Variants in RARB observed in about 807,000 individuals in gnomAD.
The protein encoded by RARB is retinoic acid receptor beta, also known as HBV-activated protein.
Under a neutral mutation model 51.9 loss-of-function variants are expected in RARB, and 17 were observed. The ratio of observed to expected loss-of-function variants is 0.33; its 90% confidence interval spans 0.22 to 0.49. The LOEUF (loss-of-function observed/expected upper bound fraction) is 0.49. Ranked by LOEUF, RARB falls within the 20% of genes least tolerant of loss-of-function variation. The probability of loss-of-function intolerance (pLI) is 0.99; values close to 1 mark genes in which losing one functional copy is unlikely to be tolerated. For missense variants in RARB, 369 were observed against 550.8 expected, an observed-to-expected ratio of 0.67 and a Z score of 3.30; for synonymous variants, 215 against 195.4, an observed-to-expected ratio of 1.10 and a Z score of -0.84.
At chr3:25,195,024 A>G (rs967356230) in intron 5 of RARB, among the ~76,000 whole-genome samples, 10 of 152,016 alleles carry the variant, frequency 6.6e-5, no homozygotes, top group African/African-American at 2.4e-4. Context: ...AACAGAAACA[A>G]AAGCTTTAAC....
At chr3:25,169,068 C>T (rs1700602325) in intron 4 of RARB, among the ~76,000 whole-genome samples, 1 of 152,186 alleles carries the variant, frequency 6.6e-6, no homozygotes, top group African/African-American at 2.4e-5. Context: ...AAAAAAATGA[C>T]TTCTAATCCA....
chr3:25,327,340 C>G (rs1342979278), intron 5 of RARB, among the ~76,000 whole-genome samples: 5 of 151,976 alleles, frequency 3.3e-5, no homozygotes, highest in South Asian at 4.2e-4. Flanking sequence ...TCACATCAAG[C>G]AGCACTACTA....
chr3:25,285,501 T>G lies in RARB; in HGVS notation c.178+110926T>G, dbSNP rs113381861. 4.7e-3 allele frequency among the ~76,000 whole-genome samples: 718 copies of G among 152,284 alleles called. 4 individuals carry two copies. The highest frequency in any genetic ancestry group is 0.016 in the African/African-American group (673 of 41,552). On this transcript the variant is annotated intron_variant, in intron 5 of 11. Transcript: ENST00000383772. ...CATGATCACTTCAGAAAGGTAACTT[T>G]GGCTGCAGTGTGGAGAAACAGTTGG... is the stretch of plus-strand genomic sequence containing the variant.
At chr3:24,889,261 C>T (rs1398056374) in intron 2 of RARB, among the ~76,000 whole-genome samples, 1 of 152,094 alleles carries the variant, frequency 6.6e-6, no homozygotes, top group South Asian at 2.1e-4. Flanking sequence ...TTTTGCTTTC[C>T]TTGACTAAGT....
chr3:25,582,720 A>C (rs2125308919), intron 5 of RARB, among the ~76,000 whole-genome samples: 1 of 152,186 alleles, frequency 6.6e-6, no homozygotes, highest in Admixed American at 6.5e-5. Context: ...TGAATCCTGC[A>C]GCACTCTTCC....
chr3:25,017,730 A>G (rs982351298), intron 2 of RARB, among the ~76,000 whole-genome samples: 29 of 152,206 alleles, frequency 1.9e-4, no homozygotes, highest in African/African-American at 6.8e-4. Context: ...CTCTGAATCA[A>G]GGCCAATCAC....
chr3:25,254,156 C>T (rs1245411519), intron 5 of RARB, among the ~76,000 whole-genome samples: 1 of 152,150 alleles, frequency 6.6e-6, no homozygotes, highest in Non-Finnish European at 1.5e-5. Context: ...GACATAACTT[C>T]ATGAGACATG....
chr3:25,596,083 A>C (rs1298252449), intron 7 of RARB, among the ~76,000 whole-genome samples: 1 of 152,212 alleles, frequency 6.6e-6, no homozygotes, highest in Non-Finnish European at 1.5e-5. Context: ...AAGACGAATG[A>C]AGTTCTAGCA....
At chr3:25,588,041 G>T (rs1291830867) in intron 5 of RARB, among the ~76,000 whole-genome samples, 1 of 152,240 alleles carries the variant, frequency 6.6e-6, no homozygotes, top group Non-Finnish European at 1.5e-5. Context: ...CAGAGAGCAA[G>T]ACAGGTAAAG....
At chr3:25,075,722 A>G (rs1698857976) in intron 3 of RARB, among the ~76,000 whole-genome samples, 1 of 151,618 alleles carries the variant, frequency 6.6e-6, no homozygotes, top group African/African-American at 2.4e-5. Context: ...CATTTGTTGG[A>G]GAATCCCCTG....
chr3:25,286,433 C>T lies in RARB; in HGVS notation c.178+111858C>T, dbSNP rs570729387. 3.0e-4 allele frequency among the ~76,000 whole-genome samples: 45 copies of T among 152,042 alleles called. 1 individual carries two copies. The highest frequency in any genetic ancestry group is 1.9e-4 in the Non-Finnish European group (13 of 67,964). ...AACCTCTCTTGAATATGTTATTTTC[C>T]TTCCCTCTCTACTATAATCCCTCTA... On this transcript the variant is annotated intron_variant, in intron 5 of 11. Transcript: ENST00000383772.
chr3:25,303,483 G>C (rs1704087561), intron 5 of RARB, among the ~76,000 whole-genome samples: 1 of 152,138 alleles, frequency 6.6e-6, no homozygotes, highest in Admixed American at 6.6e-5. Flanking sequence ...GAAGCAAAAG[G>C]CCATGACCGA....
rs112116640 is a variant in RARB at position 25,314,499 on chromosome 3, A to G, written c.178+139924A>G. 4.3e-3 allele frequency among the ~76,000 whole-genome samples: 650 copies of G among 152,266 alleles called. 2 individuals are homozygous for G. Among genetic ancestry groups the G allele is most frequent in the African/African-American group, 0.015 (605 of 41,544 alleles). On this transcript the variant is annotated intron_variant, in intron 5 of 11. Coordinates refer to the RARB transcript ENST00000383772. ...GTTTAAGTTTCTTGTGTTGCAACCA[A>G]TGAGTCTGTCATCAGTTTCTTGGGG...
At chr3:25,348,143 C>T (rs1030724156) in intron 5 of RARB, among the ~76,000 whole-genome samples, 2 of 152,124 alleles carry the variant, frequency 1.3e-5, no homozygotes, top group African/African-American at 4.8e-5. Flanking sequence ...TGAGATCCAG[C>T]AGAGTTCCAG....
intron 2 of RARB, among the ~76,000 whole-genome samples, chr3:25,052,320 A>C (rs933887646): frequency 4.6e-5 from 7 of 152,168 alleles, no homozygotes; most frequent in African/African-American, 1.7e-4. Context: ...CCCAAATTCT[A>C]TTACAGATTC....
intron 4 of RARB, among the ~76,000 whole-genome samples, chr3:25,575,496 G>C (rs900684427): frequency 2.0e-5 from 3 of 152,226 alleles, no homozygotes; most frequent in Admixed American, 1.3e-4. Context: ...CAAGGTGTGT[G>C]CATGGCCACG....
chr3:25,168,877 A>T (rs1700599482), intron 4 of RARB, among the ~76,000 whole-genome samples: 1 of 152,212 alleles, frequency 6.6e-6, no homozygotes, highest in Admixed American at 6.5e-5. Context: ...AGCAGATTGA[A>T]TGCATTTACT....
At chr3:24,989,105 C>T (rs1053677501) in intron 2 of RARB, among the ~76,000 whole-genome samples, 1 of 152,340 alleles carries the variant, frequency 6.6e-6, no homozygotes, top group African/African-American at 2.4e-5. Context: ...GGATTACAGG[C>T]GTGAGCCACC....
chr3:25,354,913 A>C (rs1705686696), intron 5 of RARB, among the ~76,000 whole-genome samples: 1 of 151,134 alleles, frequency 6.6e-6, no homozygotes, highest in Non-Finnish European at 1.5e-5. Flanking sequence ...TTTTCCATCC[A>C]GCATAGCATA....
Sources: gnomAD v4.1 joint callset for allele counts (sites outside exome capture counted in the v4.1 genomes callset) on GRCh38, gnomAD v4.1.1 for gene constraint, MANE v1.5 for transcripts, NCBI Gene and HGNC (gene_info 2026-07-23, HGNC 2026-07-21) for gene names.